Variants in NUP98 observed in about 807,000 individuals in gnomAD.
NUP98 encodes nuclear pore complex protein Nup98-Nup96.
A neutral mutation model predicts 191.9 loss-of-function variants in NUP98; 26 were observed. The observed-to-expected ratio is 0.14, with a 90% CI of 0.10 to 0.19. The LOEUF (loss-of-function observed/expected upper bound fraction) is 0.19. Ranked by LOEUF, NUP98 falls within the 10% of genes least tolerant of loss-of-function variation. NUP98 has a pLI of 1.00. For missense variants in NUP98, 1,941 were observed against 2,178.8 expected (o/e 0.89, Z 2.17); for synonymous variants, 808 against 778.4 (o/e 1.04, Z -0.63).
chr11:3,686,655 T>C (rs1384585080), intron 28 of NUP98, among the ~76,000 whole-genome samples: 2 of 152,154 alleles, frequency 1.3e-5, no homozygotes, highest in African/African-American at 2.4e-5. Context: ...AGCTTTAACA[T>C]ATGTAGACAC....
chr11:3,729,158 A>C (rs1054819388), intron 14 of NUP98, among the ~76,000 whole-genome samples: 16 of 152,202 alleles, frequency 1.1e-4, no homozygotes, highest in Non-Finnish European at 1.9e-4. Context: ...GGGAATCATC[A>C]GACTACAGAT....
chr11:3,706,696 ATTTAC>A (rs772450830), intron 20 of NUP98, 69 bp from the exon 21 acceptor site: 259 of 1,384,962 alleles, frequency 1.9e-4, no homozygotes, highest in Non-Finnish European at 2.4e-4. Flanking sequence ...TCTAAATCAG[ATTTAC>A]TTTATTCAGA....
At chr11:3,773,533 G>C in intron 6 of NUP98, 99 bp downstream of exon 6, 1 of 651,248 alleles carries the variant, frequency 1.5e-6, no homozygotes, top group Non-Finnish European at 2.5e-6. Context: ...AACCCAAACT[G>C]AACCACTCTA....
intron 30 of NUP98, among the ~76,000 whole-genome samples, chr11:3,681,232 G>A (rs906269079): frequency 6.6e-6 from 1 of 152,018 alleles, no homozygotes; most frequent in African/African-American, 2.4e-5. Flanking sequence ...GTAGAGATTG[G>A]GTTTCACCAT....
In NUP98 at chr11:3,719,510, T is replaced by G; in HGVS notation, c.2301A>C (p.Thr767=). Residue 767 remains threonine (T), a synonymous_variant, in exon 18 of 33, where the codon ACA becomes ACC. Coordinates refer to ENST00000324932, the MANE Select transcript of NUP98 (RefSeq NM_016320.5). The stretch of plus-strand genomic sequence containing the variant: ...GCACAATATCATCCAAATTTAGATT[T>G]GTCAAATTCACATCTCCTTCAAAAT... ...SIYFEGDVNL[T]NLNLDDIVHI... The G allele has an allele frequency of 1.9e-6, 3 of 1,591,388 alleles. No individual in the cohort carries two copies. Among genetic ancestry groups the G allele is most frequent in the Non-Finnish European group, 2.6e-6 (3 of 1,171,270 alleles).
chr11:3,675,081 A>G lies in NUP98; in HGVS notation c.*1078T>C, dbSNP rs143192527. On this transcript the variant is annotated 3_prime_UTR_variant, in exon 33 of 33. Transcript: ENST00000324932. The stretch of plus-strand genomic sequence containing the variant: ...TTCAGAAAAAGAGGAAAATATCTAG[A>G]TCATTTATTTATACATATATATATT... The G allele has an allele frequency of 6.7e-5, 12 of 178,782 alleles. No homozygotes were observed. In the East Asian group the frequency reaches 1.0e-3, roughly 15 times the overall value. The allele number at this position is 178,782 out of a possible 1,614,324, so 11.1% of individuals were successfully genotyped here. A position where few individuals can be genotyped will look rare whatever the true frequency, so the allele number is the denominator to read the frequency against.
At chr11:3,727,367 G>C (rs1443696330) in intron 14 of NUP98, among the ~76,000 whole-genome samples, 1 of 152,104 alleles carries the variant, frequency 6.6e-6, no homozygotes. Flanking sequence ...AATGAACACA[G>C]AGGGCAGAAC....
intron 25 of NUP98, among the ~76,000 whole-genome samples, chr11:3,697,820 T>TAAAAAAAAA (rs199874258): frequency 2.1e-5 from 2 of 97,158 alleles, no homozygotes; most frequent in African/African-American, 7.8e-5. Context: ...GACTCTGTCT[T>TAAAAAAAAA]AAAAAAAAAA....
intron 28 of NUP98, among the ~76,000 whole-genome samples, chr11:3,687,229 T>G (rs1322376919): frequency 6.6e-6 from 1 of 152,192 alleles, no homozygotes; most frequent in African/African-American, 2.4e-5. Flanking sequence ...GCACCATACC[T>G]GGCCTGTTTT....
intron 10 of NUP98, among the ~76,000 whole-genome samples, chr11:3,759,390 A>G (rs1272318945): frequency 2.0e-5 from 3 of 152,182 alleles, no homozygotes; most frequent in African/African-American, 7.2e-5. Context: ...TGAGCTCAGG[A>G]GTTCAAGACG....
At chr11:3,763,775 T>C (rs1395099781) in intron 8 of NUP98, among the ~76,000 whole-genome samples, 1 of 152,176 alleles carries the variant, frequency 6.6e-6, no homozygotes, top group African/African-American at 2.4e-5. Context: ...CACGAACTCC[T>C]GACCTCAGGG....
chr11:3,762,155 G>A (rs1453485653), intron 9 of NUP98, among the ~76,000 whole-genome samples: 2 of 152,042 alleles, frequency 1.3e-5, no homozygotes, highest in Admixed American at 1.3e-4. Flanking sequence ...TGTTGCCCAG[G>A]CTAGAGTGCA....
At chr11:3,758,411 G>C (rs928783517) in intron 10 of NUP98, among the ~76,000 whole-genome samples, 2 of 152,192 alleles carry the variant, frequency 1.3e-5, no homozygotes, top group Non-Finnish European at 2.9e-5. Context: ...ACGGTCCATG[G>C]GGAAGGGTAA....
chr11:3,693,048 G>A (rs2078368049), intron 27 of NUP98, 184 bp downstream of exon 27: 2 of 581,290 alleles, frequency 3.4e-6, no homozygotes, highest in Non-Finnish European at 6.0e-6. Flanking sequence ...GAAAACAGCA[G>A]TGAGAAAGTC....
intron 20 of NUP98, chr11:3,712,203 CTG>C (rs36088476): frequency 0.18 from 196,819 of 1,081,228 alleles, 18,411 homozygotes; most frequent in East Asian, 0.24. Flanking sequence ...AAAGATTAAA[CTG>C]CACATCAGGT....
At chr11:3,739,729 A>G (rs1270684797) in intron 12 of NUP98, among the ~76,000 whole-genome samples, 1 of 152,196 alleles carries the variant, frequency 6.6e-6, no homozygotes, top group Non-Finnish European at 1.5e-5. Flanking sequence ...AATCTAACAA[A>G]TTTCTAGGGG....
chr11:3,788,079 A>C (rs937682987), intron 1 of NUP98, among the ~76,000 whole-genome samples: 2 of 152,204 alleles, frequency 1.3e-5, no homozygotes, highest in African/African-American at 2.4e-5. Flanking sequence ...GTTATGCAAT[A>C]TATTTGTTAT....
intron 11 of NUP98, among the ~76,000 whole-genome samples, chr11:3,750,688 T>C (rs1218915614): frequency 1.3e-5 from 2 of 152,048 alleles, no homozygotes; most frequent in Non-Finnish European, 2.9e-5. Flanking sequence ...AGTGCAGTGG[T>C]ACTATCGTAA....
intron 8 of NUP98, among the ~76,000 whole-genome samples, chr11:3,768,140 G>A (rs1398927862): frequency 1.3e-5 from 2 of 151,990 alleles, no homozygotes; most frequent in Non-Finnish European, 2.9e-5. Flanking sequence ...CTTTGTTCTT[G>A]GCCGGGCACG....
Sources: gnomAD v4.1 joint callset for allele counts (sites outside exome capture counted in the v4.1 genomes callset) on GRCh38, gnomAD v4.1.1 for gene constraint, MANE v1.5 for transcripts, NCBI Gene and HGNC (gene_info 2026-07-23, HGNC 2026-07-21) for gene names.